Variants in SKOR2 observed in about 807,000 individuals in gnomAD.
SKOR2 encodes the protein LBX1 corepressor 1-like protein.
Under a neutral mutation model 69.1 loss-of-function variants are expected in SKOR2, and 47 were observed. That is an observed-to-expected ratio of 0.68 (90% CI 0.54 to 0.87). The LOEUF is 0.87. Among genes scored for constraint, SKOR2 ranks in the 40% least tolerant of loss-of-function variants. SKOR2 has a pLI of 0.00. For missense variants in SKOR2, 1,404 were observed against 1,472.2 expected, an observed-to-expected ratio of 0.95 and a Z score of 0.76; for synonymous variants, 717 against 672.6, an observed-to-expected ratio of 1.07 and a Z score of -1.02.
chr18:47,211,891 T>A (rs1188913018), intron 8 of SKOR2, among the ~76,000 whole-genome samples, 195 bp downstream of exon 8: 1 of 152,192 alleles, frequency 6.6e-6, no homozygotes, highest in Non-Finnish European at 1.5e-5. Context: ...TTCCATGGAA[T>A]TTATAAGAAG....
chr18:47,207,822 T>C (rs1025567047), intron 8 of SKOR2, among the ~76,000 whole-genome samples: 1 of 152,172 alleles, frequency 6.6e-6, no homozygotes, highest in South Asian at 2.1e-4. Context: ...GAGGTAGATA[T>C]AGTTAAAATA....
rs1176445936 is a variant in SKOR2 at position 47,247,284 on chromosome 18, C to G, written c.1900G>C (p.Glu634Gln). 32 of 1,482,484 alleles carry G rather than the reference C, an allele frequency of 2.2e-5. No homozygotes were observed. The highest frequency in any genetic ancestry group is 2.9e-5 in the Non-Finnish European group (32 of 1,122,366). 91.8% of individuals were successfully genotyped at this position (1,482,484 alleles called of 1,614,324 possible). ...FRPVGGKDDAESLAKLHGASA... is the reference protein window; with the variant it reads ...FRPVGGKDDAQSLAKLHGASA... ...GCCCCGTGCAGCTTGGCCAGGCTCT[C>G]CGCGTCGTCCTTGCCGCCCACTGGC... is the stretch of plus-strand genomic sequence containing the variant. Residue 634 changes from glutamate (E) to glutamine (Q), a missense_variant, in exon 2 of 9, where the codon GAG becomes CAG. Transcript: ENST00000425639. This position sits in a 1 kb window ranked among gnomAD's most constrained non-coding sequence, Gnocchi z 6.6.
chr18:47,212,993 A>G (rs1310958285), intron 7 of SKOR2, among the ~76,000 whole-genome samples: 1 of 152,142 alleles, frequency 6.6e-6, no homozygotes, highest in Non-Finnish European at 1.5e-5. Context: ...AGCATCAGAA[A>G]TAACTGCACT....
In SKOR2 at chr18:47,235,649, G is replaced by C. The variant is rs183806788; in HGVS notation, c.2753-4649C>G. Among the ~76,000 whole-genome samples the C allele has an allele frequency of 2.0e-5, 3 of 152,098 alleles. No homozygotes were observed. The East Asian group carries it at 5.8e-4, about 29-fold the overall frequency. On this transcript the variant is annotated intron_variant, in intron 4 of 8. Coordinates refer to ENST00000425639, the MANE Select transcript of SKOR2 (RefSeq NM_001278063.4). ...AGGTGAATATTCCAACCCACTCTTG[G>C]TTCTGCCCTCACATGTCATTAGAAA... is the stretch of plus-strand genomic sequence containing the variant.
intron 1 of SKOR2, among the ~76,000 whole-genome samples, chr18:47,249,799 CT>C (rs1361060495): frequency 1.3e-5 from 2 of 152,134 alleles, no homozygotes; most frequent in East Asian, 1.9e-4. Flanking sequence ...CGAAATCAGC[CT>C]TCTCCCTCAC....
At chr18:47,219,722 T>C (rs2064155238) in intron 7 of SKOR2, among the ~76,000 whole-genome samples, 1 of 152,166 alleles carries the variant, frequency 6.6e-6, no homozygotes, top group Non-Finnish European at 1.5e-5. Context: ...TACACATCTG[T>C]CTATTAACAC....
chr18:47,214,216 T>C (rs2064136841), intron 7 of SKOR2, among the ~76,000 whole-genome samples: 1 of 152,202 alleles, frequency 6.6e-6, no homozygotes, highest in Non-Finnish European at 1.5e-5. Flanking sequence ...CCTGAAGGAT[T>C]CTACTTTCAG....
chr18:47,248,341 C>G lies in SKOR2; in HGVS notation c.843G>C (p.Leu281=). The G allele has an allele frequency of 8.3e-7, 1 of 1,210,474 alleles. No homozygotes were observed. The highest frequency in any genetic ancestry group is 1.0e-6 in the Non-Finnish European group (1 of 977,940). The allele number at this position is 1,210,474 out of a possible 1,614,324, so 75.0% of individuals were successfully genotyped here. The change falls in exon 2 of 9, where the codon CTG becomes CTC. Residue 281 remains leucine, a synonymous_variant. Transcript: ENST00000425639. The surrounding 1 kb of genome is among the most constrained non-coding windows in gnomAD (Gnocchi z 6.4). ...GCGGCGGCGGCGGGGGCGCACCCAG[C>G]AGGTGGGGGCCCAGCAGACCCCCGC... ...AGGGGLLGPH[L]LGAPPPPPPP... is the part of the protein sequence containing the mutation.
Position 47,248,848 on chromosome 18 carries a change from C to G in SKOR2, c.336G>C (p.Ser112=), listed in dbSNP as rs549741504. 6.4e-7 allele frequency: 1 copy of G among 1,562,806 alleles called. No individual in the cohort carries two copies. Among genetic ancestry groups the G allele is most frequent in the African/African-American group, 1.3e-5 (1 of 74,124 alleles). The change falls in exon 2 of 9, where the codon TCG becomes TCC. Residue 112 remains serine (S), a synonymous_variant. Coordinates refer to ENST00000425639, the MANE Select transcript of SKOR2 (RefSeq NM_001278063.4). The surrounding 1 kb of genome is among the most constrained non-coding windows in gnomAD (Gnocchi z 6.4). The part of the protein sequence containing the change: ...LRRAGAMPIS[S]RRCGMITKRE... Reference sequence around the variant, plus strand: ...GTTTGGTGATCATGCCGCAGCGGCGCGATGAGATGGGCATGGCCCCGGCAC... The same window carrying G: ...GTTTGGTGATCATGCCGCAGCGGCGGGATGAGATGGGCATGGCCCCGGCAC...
At chr18:47,216,231 A>G (rs1278851278) in intron 7 of SKOR2, among the ~76,000 whole-genome samples, 1 of 152,128 alleles carries the variant, frequency 6.6e-6, no homozygotes, top group East Asian at 1.9e-4. Context: ...AAATTAAAAA[A>G]CTTTTGTATT....
Position 47,229,466 on chromosome 18 carries a change from C to G in SKOR2, c.2917+993G>C, listed in dbSNP as rs1473353461. On this transcript the variant is annotated intron_variant, in intron 6 of 8. Coordinates refer to ENST00000425639, the MANE Select transcript of SKOR2 (RefSeq NM_001278063.4). ...GTCAGGAGTTCGAGACCTGCCTGAC[C>G]AATATGGTGAAACTCTGCCTCTACT... Among the ~76,000 whole-genome samples the G allele has an allele frequency of 5.9e-5, 9 of 152,068 alleles. No individual in the cohort carries two copies. The East Asian group carries it at 1.7e-3, about 30-fold the overall frequency.
intron 6 of SKOR2, among the ~76,000 whole-genome samples, chr18:47,229,855 G>A (rs1409245929): frequency 6.6e-6 from 1 of 152,166 alleles, no homozygotes; most frequent in Non-Finnish European, 1.5e-5. Flanking sequence ...GACTCTGGGA[G>A]TAGAACTAAC....
At chr18:47,235,044 G>A (rs762805851) in intron 4 of SKOR2, among the ~76,000 whole-genome samples, 4 of 151,988 alleles carry the variant, frequency 2.6e-5, no homozygotes, top group Non-Finnish European at 5.9e-5. Flanking sequence ...GGCATAAAAC[G>A]TCTCCTGTGG....
chr18:47,233,770 T>TG (rs1355575206), intron 4 of SKOR2, among the ~76,000 whole-genome samples: 2 of 152,226 alleles, frequency 1.3e-5, no homozygotes, highest in Admixed American at 1.3e-4. Context: ...GTTAGATAGT[T>TG]GAATTTAAAA....
chr18:47,227,610 C>T (rs963821696), intron 6 of SKOR2, among the ~76,000 whole-genome samples: 2 of 152,136 alleles, frequency 1.3e-5, no homozygotes, highest in Non-Finnish European at 2.9e-5. Flanking sequence ...GGATTACAGG[C>T]GTAAGCCACT....
intron 4 of SKOR2, among the ~76,000 whole-genome samples, chr18:47,232,140 T>C (rs2144497417): frequency 6.6e-6 from 1 of 151,454 alleles, no homozygotes; most frequent in Non-Finnish European, 1.5e-5. Context: ...AAAAAACAAA[T>C]AAATAAATAA....
At position 47,249,191 on chromosome 18, in the gene SKOR2, G is replaced by T; in HGVS notation, c.-8C>A. 1 of 1,532,826 alleles carries T rather than the reference G, an allele frequency of 6.5e-7. No homozygotes were observed. Among genetic ancestry groups the T allele is most frequent in the Non-Finnish European group, 8.7e-7 (1 of 1,145,146 alleles). 95.0% of individuals were successfully genotyped at this position (1,532,826 alleles called of 1,614,324 possible). A position where few individuals can be genotyped will look rare whatever the true frequency, so the allele number is the denominator to read the frequency against. ...CAGCGGACTGGAAGCCATCTCCGCC[G>T]CAGAACCCCGGGCCGAGCCCTACAG... On this transcript the variant is annotated 5_prime_UTR_variant, in exon 2 of 9. Coordinates refer to ENST00000425639, the MANE Select transcript of SKOR2 (RefSeq NM_001278063.4).
intron 6 of SKOR2, among the ~76,000 whole-genome samples, chr18:47,220,744 G>A (rs1311285806): frequency 6.6e-6 from 1 of 152,110 alleles, no homozygotes; most frequent in Non-Finnish European, 1.5e-5. Flanking sequence ...TCTTCTCCAC[G>A]TGATCCTTTT....
Position 47,212,095 on chromosome 18 carries a change from T to G in SKOR2, c.3042A>C (p.Lys1014Asn). ...RKEKLGAHLSKS is the reference protein window; with the variant it reads ...RKEKLGAHLSNS The stretch of plus-strand genomic sequence containing the variant: ...CCTCTGGTGATCTTACCTTTTAGCT[T>G]TTGCTGAGATGGGCGCCAAGCTTTT... The change falls in exon 8 of 9, where the codon AAA becomes AAC. Residue 1014 changes from lysine (K) to asparagine (N), a missense_variant. Around this residue, in one of 3 missense-constraint regions of SKOR2, gnomAD observed 1,266 missense variants for 1,309.9 expected, o/e 0.97. Coordinates refer to ENST00000425639, the MANE Select transcript of SKOR2 (RefSeq NM_001278063.4). 1 of 1,232,010 alleles carries G rather than the reference T, an allele frequency of 8.1e-7. No homozygotes were observed. The highest frequency in any genetic ancestry group is 4.2e-5 in the Admixed American group (1 of 23,704). The allele number at this position is 1,232,010 out of a possible 1,614,324, so 76.3% of individuals were successfully genotyped here.
Sources: gnomAD v4.1 joint callset for allele counts (sites outside exome capture counted in the v4.1 genomes callset) on GRCh38, gnomAD v4.1.1 for gene constraint, gnomAD v4.1.1 regional missense constraint, Gnocchi (gnomAD v3.1) non-coding constraint, MANE v1.5 for transcripts, NCBI Gene and HGNC (gene_info 2026-07-23, HGNC 2026-07-21) for gene names.